GRM5: variants seen among roughly 807,000 people sequenced by gnomAD.
GRM5 encodes the protein glutamate metabotropic receptor 5.
A neutral mutation model predicts 83.1 loss-of-function variants in GRM5; 19 were observed. The observed-to-expected ratio is 0.23, with a 90% confidence interval of 0.16 to 0.34. The LOEUF (loss-of-function observed/expected upper bound fraction) is 0.34. GRM5 is among the 10% of genes least tolerant of loss of function. GRM5 has a pLI of 1.00. For missense variants in GRM5, 1,160 were observed against 1,588.3 expected, an observed-to-expected ratio of 0.73 and a Z score of 4.58; for synonymous variants, 675 against 633.6, an observed-to-expected ratio of 1.07 and a Z score of -0.98.
intron 2 of GRM5, among the ~76,000 whole-genome samples, chr11:88,928,907 T>TATATACATATAC (rs369951090): frequency 7.2e-6 from 1 of 138,674 alleles, no homozygotes; most frequent in Non-Finnish European, 1.5e-5. Context: ...TATGTGTATA[T>TATATACATATAC]ACACACACAC....
chr11:88,874,547 A>G (rs1944819580), intron 2 of GRM5, among the ~76,000 whole-genome samples: 1 of 151,962 alleles, frequency 6.6e-6, no homozygotes, highest in African/African-American at 2.4e-5. Context: ...TTTTGCAATA[A>G]AACCTGAAAA....
rs553562568 is a variant in GRM5 at position 88,762,265 on chromosome 11, G to A, written c.911+87641C>T. 2.0e-5 allele frequency among the ~76,000 whole-genome samples: 3 copies of A among 152,202 alleles called. No individual in the cohort carries two copies. In the East Asian group the frequency reaches 5.8e-4, roughly 29 times the overall value. On this transcript the variant is annotated intron_variant, in intron 3 of 9. Transcript: ENST00000305447. ...AGTAAACCAATAACCAACAGAATGG[G>A]AGAAAATTTTTGCAAACTGTGCATC...
intron 2 of GRM5, among the ~76,000 whole-genome samples, chr11:88,989,229 G>C (rs1271055242): frequency 1.4e-5 from 2 of 144,542 alleles, no homozygotes; most frequent in African/African-American, 5.1e-5. Flanking sequence ...TGATGAAACA[G>C]ACTTTAAACC....
intron 9 of GRM5, among the ~76,000 whole-genome samples, chr11:88,521,098 C>G (rs947167630): frequency 6.6e-6 from 1 of 152,050 alleles, no homozygotes; most frequent in Non-Finnish European, 1.5e-5. Context: ...GTTTCTCCTT[C>G]GTGGCCTACA....
intron 3 of GRM5, among the ~76,000 whole-genome samples, chr11:88,692,384 G>A (rs1940800626): frequency 6.6e-6 from 1 of 152,154 alleles, no homozygotes; most frequent in Non-Finnish European, 1.5e-5. Context: ...ATTAATGGAT[G>A]AATGAGTGAG....
intron 3 of GRM5, among the ~76,000 whole-genome samples, chr11:88,668,653 G>C (rs1415633916): frequency 1.3e-5 from 2 of 152,030 alleles, no homozygotes; most frequent in Non-Finnish European, 2.9e-5. Flanking sequence ...TATTATTGTG[G>C]TAAAAACAGG....
chr11:88,901,032 G>A (rs1173386228), intron 2 of GRM5, among the ~76,000 whole-genome samples: 4 of 152,082 alleles, frequency 2.6e-5, no homozygotes, highest in Non-Finnish European at 5.9e-5. Context: ...GTAAACAGAG[G>A]CTTAAAATAA....
intron 2 of GRM5, among the ~76,000 whole-genome samples, chr11:88,859,454 TTAA>T (rs1338252027): frequency 2.0e-5 from 3 of 152,078 alleles, no homozygotes; most frequent in African/African-American, 7.2e-5. Flanking sequence ...TGGTAAAAGG[TTAA>T]TAATAATATG....
chr11:88,882,722 T>C (rs1944980978), intron 2 of GRM5, among the ~76,000 whole-genome samples: 1 of 152,088 alleles, frequency 6.6e-6, no homozygotes, highest in African/African-American at 2.4e-5. Flanking sequence ...AAACAGCTGA[T>C]GTTATGTTTA....
chr11:88,865,973 T>G (rs1020812881), intron 2 of GRM5, among the ~76,000 whole-genome samples: 21 of 152,218 alleles, frequency 1.4e-4, no homozygotes, highest in Middle Eastern at 3.4e-3. Flanking sequence ...TGTAAATTAG[T>G]TCAACCATTG....
intron 3 of GRM5, among the ~76,000 whole-genome samples, chr11:88,707,928 T>A (rs926854590): frequency 6.6e-6 from 1 of 152,084 alleles, no homozygotes. Flanking sequence ...TCTGTTACCA[T>A]CACTGGAAGG....
At chr11:88,867,461 C>A (rs190311286) in intron 2 of GRM5, among the ~76,000 whole-genome samples, 1 of 151,650 alleles carries the variant, frequency 6.6e-6, no homozygotes, top group Non-Finnish European at 1.5e-5. Flanking sequence ...TGTTTTATTG[C>A]GTCTTTTTTC....
chr11:88,537,663 A>G (rs1942166586), intron 8 of GRM5, among the ~76,000 whole-genome samples: 2 of 152,186 alleles, frequency 1.3e-5, no homozygotes. Flanking sequence ...CTTCAATATC[A>G]TCTCTCAACC....
At chr11:88,994,448 TATATATATATA>T (rs1940102815) in intron 2 of GRM5, among the ~76,000 whole-genome samples, 5 of 17,172 alleles carry the variant, frequency 2.9e-4, no homozygotes, top group African/African-American at 1.2e-3. Flanking sequence ...TAACTGATTA[TATATATATATA>T]TATATATATA....
At chr11:88,928,907 TACACACAC>T (rs1555043262) in intron 2 of GRM5, among the ~76,000 whole-genome samples, 30 of 138,756 alleles carry the variant, frequency 2.2e-4, no homozygotes, top group Admixed American at 1.1e-3. Context: ...TATGTGTATA[TACACACAC>T]ACACACACAC....
At chr11:88,971,235 T>C (rs1939155291) in intron 2 of GRM5, among the ~76,000 whole-genome samples, 1 of 152,202 alleles carries the variant, frequency 6.6e-6, no homozygotes, top group Non-Finnish European at 1.5e-5. Flanking sequence ...GATATACACA[T>C]ATGTGCATAT....
Position 88,631,833 on chromosome 11 carries a change from A to G in GRM5, c.1147+21335T>C, listed in dbSNP as rs112536433. On this transcript the variant is annotated intron_variant, in intron 4 of 9. Coordinates refer to ENST00000305447, the MANE Select transcript of GRM5 (RefSeq NM_001143831.3). ...CCATTTGGTTACAGACATCAAAATCACAAAAGATATGAGAGATAAGGGACT... is the reference window on the plus strand; with the variant it reads ...CCATTTGGTTACAGACATCAAAATCGCAAAAGATATGAGAGATAAGGGACT... 2.5e-4 allele frequency among the ~76,000 whole-genome samples: 38 copies of G among 152,162 alleles called. 1 individual carries two copies. The highest frequency in any genetic ancestry group is 9.2e-4 in the African/African-American group (38 of 41,442).
chr11:88,929,719 T>C (rs1937644957), intron 2 of GRM5, among the ~76,000 whole-genome samples: 1 of 152,160 alleles, frequency 6.6e-6, no homozygotes, highest in African/African-American at 2.4e-5. Flanking sequence ...ATTAAATGCA[T>C]TTATTACTTA....
At chr11:88,678,569 T>C (rs1940395110) in intron 3 of GRM5, among the ~76,000 whole-genome samples, 1 of 152,154 alleles carries the variant, frequency 6.6e-6, no homozygotes, top group Non-Finnish European at 1.5e-5. Context: ...TTATTTAGCA[T>C]ATCCTGTATG....
Sources: gnomAD v4.1 joint callset for allele counts (sites outside exome capture counted in the v4.1 genomes callset) on GRCh38, gnomAD v4.1.1 for gene constraint, MANE v1.5 for transcripts, NCBI Gene and HGNC (gene_info 2026-07-23, HGNC 2026-07-21) for gene names.